UNC5C: variants seen among roughly 807,000 people sequenced by gnomAD.
UNC5C encodes the protein unc-5 netrin receptor C.
A neutral mutation model predicts 99.8 loss-of-function variants in UNC5C; 47 were observed. The observed-to-expected ratio is 0.47, with a 90% CI of 0.37 to 0.60. The LOEUF (loss-of-function observed/expected upper bound fraction) is 0.60. Among genes scored for constraint, UNC5C ranks in the 20% least tolerant of loss-of-function variants. The pLI is 0.00. For synonymous variants in UNC5C, 487 were observed against 452.2 expected, an observed-to-expected ratio of 1.08 and a Z score of -0.98; for missense variants, 1,062 against 1,165.9, an observed-to-expected ratio of 0.91 and a Z score of 1.30.
At position 95,335,420 on chromosome 4, in the gene UNC5C, A is replaced by G. The variant is rs74557940; in HGVS notation, c.336T>C (p.Asp112=). 1.3e-4 allele frequency: 210 copies of G among 1,611,198 alleles called. 1 individual carries two copies. Among genetic ancestry groups the G allele is most frequent in the Middle Eastern group, 5.0e-4 (3 of 6,032 alleles). ...CAATGGAAAACTCACCGGAAGTTTC[A>G]TCTACTCTTTCATCTACTATGTGGT... is the stretch of plus-strand genomic sequence containing the variant. ...QKDHIVDERV[D]ETSGLIVREV... Residue 112 remains aspartate (D), a synonymous_variant, in exon 2 of 16, where the codon GAT becomes GAC. Coordinates refer to ENST00000453304, the MANE Select transcript of UNC5C (RefSeq NM_003728.4).
intron 7 of UNC5C, among the ~76,000 whole-genome samples, chr4:95,241,629 A>G (rs1739333049): frequency 6.6e-6 from 1 of 152,190 alleles, no homozygotes; most frequent in South Asian, 2.1e-4. Context: ...ATTAATCTGA[A>G]TAGGTATGAT....
chr4:95,425,197 A>G (rs1746442351), intron 1 of UNC5C, among the ~76,000 whole-genome samples: 1 of 152,176 alleles, frequency 6.6e-6, no homozygotes, highest in Non-Finnish European at 1.5e-5. Flanking sequence ...TAGGAAATCT[A>G]TTCTATATTA....
intron 3 of UNC5C, among the ~76,000 whole-genome samples, chr4:95,300,053 G>T (rs1195180902): frequency 6.6e-6 from 1 of 152,154 alleles, no homozygotes; most frequent in Non-Finnish European, 1.5e-5. Context: ...CAGGATTGAT[G>T]GGACTTAGAG....
intron 1 of UNC5C, among the ~76,000 whole-genome samples, chr4:95,353,254 T>C (rs998048269): frequency 6.6e-6 from 1 of 152,124 alleles, no homozygotes; most frequent in African/African-American, 2.4e-5. Flanking sequence ...CTAAGCGGGT[T>C]CTAAAACTTT....
intron 1 of UNC5C, among the ~76,000 whole-genome samples, chr4:95,336,254 T>A (rs1433591237): frequency 6.6e-6 from 1 of 151,888 alleles, no homozygotes; most frequent in Non-Finnish European, 1.5e-5. Flanking sequence ...AAATAAAAAA[T>A]TAATAATAAA....
chr4:95,518,679 T>C lies in UNC5C; in HGVS notation c.124+30055A>G, dbSNP rs959214483. On this transcript the variant is annotated intron_variant, in intron 1 of 15. Coordinates refer to ENST00000453304, the MANE Select transcript of UNC5C (RefSeq NM_003728.4). ...GCTTTTCAGGCATTTATCTTTAAGA[T>C]ACATGTTTTCATTTCATTTGTAAAG... Among the ~76,000 whole-genome samples, 5 of 152,214 alleles carry C rather than the reference T, an allele frequency of 3.3e-5. No homozygotes were observed. In the South Asian group the frequency reaches 6.2e-4, roughly 19 times the overall value.
chr4:95,252,938 C>A (rs1176309177), intron 4 of UNC5C, among the ~76,000 whole-genome samples: 4 of 152,224 alleles, frequency 2.6e-5, no homozygotes, highest in Non-Finnish European at 5.9e-5. Context: ...TATAAAGTTA[C>A]CTTCAGGCTA....
intron 7 of UNC5C, among the ~76,000 whole-genome samples, chr4:95,220,562 C>G (rs1022282943): frequency 4.6e-5 from 7 of 152,148 alleles, no homozygotes; most frequent in African/African-American, 1.7e-4. Flanking sequence ...TAAACATAAA[C>G]ACTGTTAGAA....
intron 2 of UNC5C, among the ~76,000 whole-genome samples, chr4:95,327,726 T>C (rs957570748): frequency 1.3e-5 from 2 of 152,230 alleles, no homozygotes; most frequent in Admixed American, 1.3e-4. Context: ...GAGAGGAGCC[T>C]GGCCGCAGAT....
rs866334162 is a variant in UNC5C at position 95,197,024 on chromosome 4, T to C, written c.2136+5707A>G. On this transcript the variant is annotated intron_variant, in intron 12 of 15. Coordinates refer to ENST00000453304, the MANE Select transcript of UNC5C (RefSeq NM_003728.4). ...TATATTATATTTATGTAATATATAA[T>C]ATATATTTATATATTATATTTATGT... Among the ~76,000 whole-genome samples the C allele has an allele frequency of 3.7e-3, 136 of 36,310 alleles. 4 individuals carry two copies. Among genetic ancestry groups the C allele is most frequent in the Admixed American group, 8.7e-3 (14 of 1,612 alleles). The allele number at this position is 36,310 out of a possible 152,430, so 23.8% of individuals were successfully genotyped here.
At chr4:95,387,130 ACT>A (rs903092064) in intron 1 of UNC5C, among the ~76,000 whole-genome samples, 1 of 150,448 alleles carries the variant, frequency 6.6e-6, no homozygotes, top group African/African-American at 2.4e-5. Context: ...TCTCTATCTC[ACT>A]CTCTCTCTCT....
intron 7 of UNC5C, among the ~76,000 whole-genome samples, chr4:95,224,768 T>C (rs1256810138): frequency 6.6e-6 from 1 of 151,734 alleles, no homozygotes; most frequent in African/African-American, 2.4e-5. Context: ...TTTCAAATAG[T>C]AAAAAAGTTC....
chr4:95,288,362 C>T (rs560103785), intron 3 of UNC5C, among the ~76,000 whole-genome samples: 19 of 152,100 alleles, frequency 1.2e-4, no homozygotes, highest in Non-Finnish European at 2.6e-4. Flanking sequence ...GGATTACAGG[C>T]GTGAGCCACC....
chr4:95,295,290 T>C (rs1741634179), intron 3 of UNC5C, among the ~76,000 whole-genome samples: 2 of 152,320 alleles, frequency 1.3e-5, no homozygotes, highest in South Asian at 4.1e-4. Flanking sequence ...AGTGGCAACT[T>C]GAATTCTCTC....
At chr4:95,232,171 T>G (rs1433586601) in intron 7 of UNC5C, among the ~76,000 whole-genome samples, 2 of 151,730 alleles carry the variant, frequency 1.3e-5, no homozygotes, top group African/African-American at 4.8e-5. Flanking sequence ...GCTACTCAAG[T>G]GTTTTTATAT....
chr4:95,212,058 A>G (rs957616788), intron 10 of UNC5C, among the ~76,000 whole-genome samples: 1 of 152,212 alleles, frequency 6.6e-6, no homozygotes, highest in African/African-American at 2.4e-5. Flanking sequence ...CAAAATTCCA[A>G]AAAATAACAT....
At chr4:95,285,661 G>A (rs1201646677) in intron 3 of UNC5C, among the ~76,000 whole-genome samples, 1 of 152,234 alleles carries the variant, frequency 6.6e-6, no homozygotes, top group Admixed American at 6.5e-5. Context: ...CAAACTGAGT[G>A]TTATGACCCT....
chr4:95,174,195 A>C (rs998708683), intron 14 of UNC5C, among the ~76,000 whole-genome samples: 10 of 151,894 alleles, frequency 6.6e-5, no homozygotes, highest in Non-Finnish European at 1.0e-4. Flanking sequence ...AAAACCAGCT[A>C]CTGGATTCAT....
intron 14 of UNC5C, among the ~76,000 whole-genome samples, chr4:95,180,283 A>G (rs1046248617): frequency 5.9e-5 from 9 of 152,254 alleles, no homozygotes; most frequent in African/African-American, 2.2e-4. Context: ...GGAATTTCCC[A>G]TGATGGATGT....
Sources: gnomAD v4.1 joint callset for allele counts (sites outside exome capture counted in the v4.1 genomes callset) on GRCh38, gnomAD v4.1.1 for gene constraint, MANE v1.5 for transcripts, NCBI Gene and HGNC (gene_info 2026-07-23, HGNC 2026-07-21) for gene names.